USP6NL: variants seen among roughly 807,000 people sequenced by gnomAD.
USP6NL encodes USP6 N-terminal-like protein.
A neutral mutation model predicts 61.9 loss-of-function variants in USP6NL; 26 were observed. The observed-to-expected ratio is 0.42, with a 90% CI of 0.31 to 0.58. The LOEUF (loss-of-function observed/expected upper bound fraction) is 0.58. USP6NL is among the 20% of genes least tolerant of loss of function. The probability of loss-of-function intolerance (pLI) is 0.16; values close to 1 mark genes in which losing one functional copy is unlikely to be tolerated. For missense variants in USP6NL, 1,114 were observed against 1,034.3 expected (o/e 1.08, Z -1.06); for synonymous variants, 432 against 390.1 (o/e 1.11, Z -1.27).
chr10:11,541,517 G>C (rs568231652), intron 2 of USP6NL, among the ~76,000 whole-genome samples: 1 of 152,036 alleles, frequency 6.6e-6, no homozygotes, highest in East Asian at 1.9e-4. Context: ...TTGGAACAAT[G>C]CAAGAAGGCT....
intron 14 of USP6NL, among the ~76,000 whole-genome samples, chr10:11,479,135 A>G (rs1024256472): frequency 6.6e-6 from 1 of 152,220 alleles, no homozygotes; most frequent in Admixed American, 6.5e-5. Flanking sequence ...TATAAATGTT[A>G]GAAGAGAAAT....
chr10:11,540,928 TA>T lies in USP6NL; in HGVS notation c.5-13362del, dbSNP rs1836022520. ...AGGCCATCAAAAGCCAGCAATTTGG[TA>T]ACACTGAATGGGATTTAATAAATAA... On this transcript the variant is annotated intron_variant, in intron 2 of 14. Transcript: ENST00000609104. This position sits in a 1 kb window ranked among gnomAD's most constrained non-coding sequence, Gnocchi z 5.0. Among the ~76,000 whole-genome samples the T allele has an allele frequency of 6.6e-6, 1 of 151,972 alleles. No individual in the cohort carries two copies. Among genetic ancestry groups the T allele is most frequent in the Non-Finnish European group, 1.5e-5 (1 of 67,978 alleles).
chr10:11,562,449 G>C lies in USP6NL; in HGVS notation c.5-34882C>G. ...TGGACCTAAGGATGAAGACGCAGCAGTCATCACGTATCTCTGAGGACAAGG... is the reference window on the plus strand; with the variant it reads ...TGGACCTAAGGATGAAGACGCAGCACTCATCACGTATCTCTGAGGACAAGG... On this transcript the variant is annotated intron_variant, in intron 2 of 14. Coordinates refer to ENST00000609104, the MANE Select transcript of USP6NL (RefSeq NM_014688.5). The surrounding 1 kb of genome is among the most constrained non-coding windows in gnomAD (Gnocchi z 4.8). 1 of 985,350 alleles carries C rather than the reference G, an allele frequency of 1.0e-6. No individual in the cohort carries two copies. Among genetic ancestry groups the C allele is most frequent in the African/African-American group, 1.7e-5 (1 of 57,320 alleles). The allele number at this position is 985,350 out of a possible 1,614,324, so 61.0% of individuals were successfully genotyped here.
At position 11,597,691 on chromosome 10, in the gene USP6NL, C is replaced by T. The variant is rs1838375848; in HGVS notation, c.-57G>A. 6.8e-7 allele frequency: 1 copy of T among 1,477,042 alleles called. No homozygotes were observed. The highest frequency in any genetic ancestry group is 1.4e-5 in the African/African-American group (1 of 71,652). 91.5% of individuals were successfully genotyped at this position (1,477,042 alleles called of 1,614,324 possible). A position where few individuals can be genotyped will look rare whatever the true frequency, so the allele number is the denominator to read the frequency against. ...CAGATATTAAACCAAAATCTGCTGT[C>T]CAAGGTTTCTCAGAGGAATACATGT... On this transcript the variant is annotated 5_prime_UTR_variant, in exon 2 of 15. An upstream open reading frame in the 5' UTR gains an earlier in-frame stop. Transcript: ENST00000609104. This position sits in a 1 kb window ranked among gnomAD's most constrained non-coding sequence, Gnocchi z 4.6.
chr10:11,484,841 C>T lies in USP6NL; in HGVS notation c.925+130G>A, dbSNP rs554696138. ...CATTACCAATTGATGATAATTTCTC[C>T]ACTGATTTTCAAAAAAAATTTAAAC... On this transcript the variant is annotated intron_variant, in intron 13 of 14. Coordinates refer to ENST00000609104, the MANE Select transcript of USP6NL (RefSeq NM_014688.5). 6.3e-6 allele frequency: 4 copies of T among 637,694 alleles called. No individual in the cohort carries two copies. In the East Asian group the frequency reaches 1.2e-4, roughly 19 times the overall value. The allele number at this position is 637,694 out of a possible 1,614,324, so 39.5% of individuals were successfully genotyped here. A position where few individuals can be genotyped will look rare whatever the true frequency, so the allele number is the denominator to read the frequency against.
chr10:11,604,108 C>G lies in USP6NL; in HGVS notation c.-83-6391G>C, dbSNP rs150655402. Among the ~76,000 whole-genome samples the G allele has an allele frequency of 1.8e-3, 280 of 152,232 alleles. 3 individuals carry two copies. The highest frequency in any genetic ancestry group is 6.2e-3 in the African/African-American group (256 of 41,538). On this transcript the variant is annotated intron_variant, in intron 1 of 14. Coordinates refer to ENST00000609104, the MANE Select transcript of USP6NL (RefSeq NM_014688.5). ...ATGAGAGTTAAAATTTTCAGCCTAC[C>G]TACCACTGAGAGTTGCTGTGGAATT...
At chr10:11,471,597 C>A (rs1428405986) in intron 14 of USP6NL, among the ~76,000 whole-genome samples, 2 of 152,064 alleles carry the variant, frequency 1.3e-5, no homozygotes, top group Non-Finnish European at 2.9e-5. Flanking sequence ...CAATGATAGA[C>A]TGGATTAAGA....
intron 5 of USP6NL, among the ~76,000 whole-genome samples, chr10:11,509,901 T>C (rs1252909706): frequency 6.6e-6 from 1 of 152,222 alleles, no homozygotes; most frequent in Non-Finnish European, 1.5e-5. Context: ...AAAGATATTA[T>C]TTAAATTTTC....
Position 11,524,211 on chromosome 10 carries a change from G to C in USP6NL, c.155+1175C>G, listed in dbSNP as rs529108718. Among the ~76,000 whole-genome samples, 5 of 152,248 alleles carry C rather than the reference G, an allele frequency of 3.3e-5. No individual in the cohort carries two copies. In the East Asian group the frequency reaches 9.6e-4, roughly 29 times the overall value. Reference sequence around the variant, plus strand: ...GAGTTTGAGAAACAGGGCAAAACCTGTCTCGACAAAAACAAAACAGTCTTC... The same window carrying C: ...GAGTTTGAGAAACAGGGCAAAACCTCTCTCGACAAAAACAAAACAGTCTTC... On this transcript the variant is annotated intron_variant, in intron 4 of 14. Coordinates refer to ENST00000609104, the MANE Select transcript of USP6NL (RefSeq NM_014688.5).
chr10:11,611,513 C>CGGCG lies in USP6NL; in HGVS notation c.-155_-154insCGCC. On this transcript the variant is annotated 5_prime_UTR_variant, in exon 1 of 15. Coordinates refer to ENST00000609104, the MANE Select transcript of USP6NL (RefSeq NM_014688.5). The surrounding 1 kb of genome is among the most constrained non-coding windows in gnomAD (Gnocchi z 5.3). ...GGCGGTCCCGGGCGGCCGAGCAGATCCGGCGCGGCGCGGCGCGGCGGCGGC... is the reference window on the plus strand; with the variant it reads ...GGCGGTCCCGGGCGGCCGAGCAGATCGGCGCGGCGCGGCGCGGCGCGGCGGCGGC... 1 of 160,682 alleles carries CGGCG rather than the reference C, an allele frequency of 6.2e-6. No individual in the cohort carries two copies. Among genetic ancestry groups the CGGCG allele is most frequent in the Non-Finnish European group, 1.3e-5 (1 of 74,490 alleles). 10.0% of individuals were successfully genotyped at this position (160,682 alleles called of 1,614,324 possible). A position where few individuals can be genotyped will look rare whatever the true frequency, so the allele number is the denominator to read the frequency against.
chr10:11,589,802 T>C lies in USP6NL; in HGVS notation c.4+7829A>G, dbSNP rs114299639. ...AATATCTATTAGTGTCTGACTATAA[T>C]CTTTTTATATTTTATTGTTTAAAGC... On this transcript the variant is annotated intron_variant, in intron 2 of 14. Coordinates refer to ENST00000609104, the MANE Select transcript of USP6NL (RefSeq NM_014688.5). This position sits in a 1 kb window ranked among gnomAD's most constrained non-coding sequence, Gnocchi z 4.7. 1.1e-3 allele frequency among the ~76,000 whole-genome samples: 165 copies of C among 152,358 alleles called. No homozygotes were observed. Among genetic ancestry groups the C allele is most frequent in the African/African-American group, 3.7e-3 (153 of 41,574 alleles).
intron 2 of USP6NL, among the ~76,000 whole-genome samples, chr10:11,539,465 G>A (rs1447366072): frequency 6.6e-6 from 1 of 152,228 alleles, no homozygotes; most frequent in African/African-American, 2.4e-5. Context: ...CTACATTTAT[G>A]TGTAAGATGA....
At chr10:11,570,532 T>C (rs2133568497) in intron 2 of USP6NL, among the ~76,000 whole-genome samples, 1 of 152,334 alleles carries the variant, frequency 6.6e-6, no homozygotes, top group South Asian at 2.1e-4. Flanking sequence ...TTCGGTTCTC[T>C]ACCTACAGAA....
At chr10:11,571,187 G>A (rs988505268) in intron 2 of USP6NL, among the ~76,000 whole-genome samples, 1 of 151,512 alleles carries the variant, frequency 6.6e-6, no homozygotes, top group East Asian at 1.9e-4. Flanking sequence ...GGGTTCAAGC[G>A]ATTCTCCTGC....
chr10:11,540,183 C>T lies in USP6NL; in HGVS notation c.5-12616G>A, dbSNP rs891367268. Among the ~76,000 whole-genome samples the T allele has an allele frequency of 6.6e-6, 1 of 152,188 alleles. No homozygotes were observed. The highest frequency in any genetic ancestry group is 1.5e-5 in the Non-Finnish European group (1 of 68,018). ...TTCTAGTAGCCCTCCAATCTCATTACATGAAATTGTCAATTATTTGTGCAA... is the reference window on the plus strand; with the variant it reads ...TTCTAGTAGCCCTCCAATCTCATTATATGAAATTGTCAATTATTTGTGCAA... On this transcript the variant is annotated intron_variant, in intron 2 of 14. Coordinates refer to ENST00000609104, the MANE Select transcript of USP6NL (RefSeq NM_014688.5). The surrounding 1 kb of genome is among the most constrained non-coding windows in gnomAD (Gnocchi z 5.0).
At chr10:11,583,974 A>G (rs1293671978) in intron 2 of USP6NL, among the ~76,000 whole-genome samples, 2 of 152,216 alleles carry the variant, frequency 1.3e-5, no homozygotes, top group East Asian at 3.8e-4. Context: ...GGTTGCAGTG[A>G]GGCGAGATCA....
At position 11,491,978 on chromosome 10, in the gene USP6NL, T is replaced by G. The variant is rs1489097818; in HGVS notation, c.495-1098A>C. 6.6e-6 allele frequency among the ~76,000 whole-genome samples: 1 copy of G among 152,256 alleles called. No homozygotes were observed. Among genetic ancestry groups the G allele is most frequent in the African/African-American group, 2.4e-5 (1 of 41,466 alleles). On this transcript the variant is annotated intron_variant, in intron 8 of 14. Transcript: ENST00000609104. This position sits in a 1 kb window ranked among gnomAD's most constrained non-coding sequence, Gnocchi z 4.7. ...TTATTTTTTTGTAAATGTGCTTGTA[T>G]ATATACCAACAAATATTTTCTTCTT...
chr10:11,604,952 T>G (rs937506001), intron 1 of USP6NL, among the ~76,000 whole-genome samples: 1 of 152,188 alleles, frequency 6.6e-6, no homozygotes, highest in Non-Finnish European at 1.5e-5. Flanking sequence ...AAACTGCAGA[T>G]AAGGAGGACT....
chr10:11,527,430 A>G lies in USP6NL; in HGVS notation c.72+70T>C, dbSNP rs955062807. On this transcript the variant is annotated intron_variant, in intron 3 of 14. Coordinates refer to ENST00000609104, the MANE Select transcript of USP6NL (RefSeq NM_014688.5). ...CTTCTGGAATGTAAGCCCTCCAAAA[A>G]GCAAATCCATTTCTATTTATATGGT... 2.8e-6 allele frequency: 4 copies of G among 1,441,694 alleles called. No individual in the cohort carries two copies. The African/African-American group carries it at 5.7e-5, about 20-fold the overall frequency. 89.3% of individuals were successfully genotyped at this position (1,441,694 alleles called of 1,614,324 possible). A position where few individuals can be genotyped will look rare whatever the true frequency, so the allele number is the denominator to read the frequency against.
Sources: allele counts gnomAD v4.1 joint callset (sites outside exome capture counted in the v4.1 genomes callset), GRCh38; gene constraint gnomAD v4.1.1; non-coding constraint Gnocchi (gnomAD v3.1); transcripts MANE v1.5; gene names NCBI Gene and HGNC (gene_info 2026-07-23, HGNC 2026-07-21).